The following ZBTB49 variants were observed in gnomAD, a reference collection of about 807,000 sequenced individuals.
The protein encoded by ZBTB49 is zinc finger and BTB domain-containing protein 49.
In ZBTB49, 43 loss-of-function variants were observed where a neutral mutation model predicts 57.5. The observed-to-expected ratio is 0.75, with a 90% CI of 0.59 to 0.97. ZBTB49 has a LOEUF of 0.97. ZBTB49 is among the 50% of genes least tolerant of loss of function. The pLI is 0.00. For synonymous variants in ZBTB49, 369 were observed against 362.1 expected (o/e 1.02, Z -0.22); for missense variants, 938 against 947.7 (o/e 0.99, Z 0.13).
rs753020441 is a variant in ZBTB49 at position 4,298,613 on chromosome 4, T to G, written c.-19-1314T>G. On this transcript the variant is annotated intron_variant, in intron 1 of 7. Transcript: ENST00000337872. ...AGCTAATTTTTGTTTTTATTTTTCA[T>G]AGAGACAGGGTCTCACTGTGTTGCC... 1.1e-4 allele frequency among the ~76,000 whole-genome samples: 16 copies of G among 152,232 alleles called. No homozygotes were observed. The South Asian group carries it at 1.7e-3, about 16-fold the overall frequency.
intron 4 of ZBTB49, among the ~76,000 whole-genome samples, chr4:4,311,560 G>A (rs1577244201): frequency 6.6e-6 from 1 of 152,164 alleles, no homozygotes; most frequent in Non-Finnish European, 1.5e-5. Flanking sequence ...ACAGCAACCA[G>A]TATTAATTTC....
rs1720741348 is a variant in ZBTB49 at position 4,306,485 on chromosome 4, C to T, written c.1302+301C>T. Among the ~76,000 whole-genome samples, 3 of 152,184 alleles carry T rather than the reference C, an allele frequency of 2.0e-5. No homozygotes were observed. The South Asian group carries it at 6.2e-4, about 31-fold the overall frequency. ...GAAGTTCACAGTGAACCACCTTGAG[C>T]TTGGCGTACCTGGAGGCTGCACATT... is the stretch of plus-strand genomic sequence containing the variant. On this transcript the variant is annotated intron_variant, in intron 4 of 7. Coordinates refer to ENST00000337872, the MANE Select transcript of ZBTB49 (RefSeq NM_145291.4).
chr4:4,305,650 CTG>C (rs1427419343), intron 3 of ZBTB49, among the ~76,000 whole-genome samples: 1 of 152,208 alleles, frequency 6.6e-6, no homozygotes, highest in Non-Finnish European at 1.5e-5. Flanking sequence ...GGCAGGAAGA[CTG>C]TGGTGAGGGG....
At position 4,302,653 on chromosome 4, in the gene ZBTB49, C is replaced by A. The variant is rs1405026225; in HGVS notation, c.817C>A (p.Pro273Thr). 6.2e-7 allele frequency: 1 copy of A among 1,610,644 alleles called. No individual in the cohort carries two copies. The highest frequency in any genetic ancestry group is 8.5e-7 in the Non-Finnish European group (1 of 1,178,084). Residue 273 changes from proline (P) to threonine (T), a missense_variant, in exon 3 of 8, where the codon CCT (proline) becomes ACT (threonine). Coordinates refer to ENST00000337872, the MANE Select transcript of ZBTB49 (RefSeq NM_145291.4). ...CATCCTGGAGTCTCCCGAGCACTTA[C>A]CTTCCAACTTCCTGGCCCAGCCTGT... ...ECILESPEHL[P>T]SNFLAQPVND...
rs1247569912 is a variant in ZBTB49, at chr4:4,321,414, A to T, written c.*98A>T. Reference sequence around the variant, plus strand: ...AGTTTCCCCATGACAGTGCCTTCTAACTAGCCAGAGAATAGGTAGCTTCCC... The same window carrying T: ...AGTTTCCCCATGACAGTGCCTTCTATCTAGCCAGAGAATAGGTAGCTTCCC... On this transcript the variant is annotated 3_prime_UTR_variant, in exon 8 of 8. Transcript: ENST00000337872. 1.6e-6 allele frequency: 2 copies of T among 1,251,594 alleles called. No individual in the cohort carries two copies. Among genetic ancestry groups the T allele is most frequent in the Non-Finnish European group, 2.2e-6 (2 of 896,908 alleles). 77.5% of individuals were successfully genotyped at this position (1,251,594 alleles called of 1,614,324 possible).
rs778325715 is a variant in ZBTB49, at chr4:4,302,538, G to C, written c.702G>C (p.Glu234Asp). ...YHKHAAGPSQ[E>D]RVVEQPFAFS... is the part of the protein sequence containing the mutation. ...AACACGCAGCTGGTCCCAGTCAGGAGAGAGTTGTTGAGCAGCCTTTTGCTT... is the reference window on the plus strand; with the variant it reads ...AACACGCAGCTGGTCCCAGTCAGGACAGAGTTGTTGAGCAGCCTTTTGCTT... Residue 234 changes from glutamate (E) to aspartate (D), a missense_variant, in exon 3 of 8, where the codon GAG becomes GAC. Glu to Asp is a conservative substitution (Grantham distance 45). Transcript: ENST00000337872. 7 of 1,613,922 alleles carry C rather than the reference G, an allele frequency of 4.3e-6. No homozygotes were observed. The African/African-American group carries it at 9.3e-5, about 22-fold the overall frequency.
At chr4:4,294,508 C>T (rs1720094167) in intron 1 of ZBTB49, among the ~76,000 whole-genome samples, 1 of 152,150 alleles carries the variant, frequency 6.6e-6, no homozygotes, top group Non-Finnish European at 1.5e-5. Flanking sequence ...AGGCATGCGT[C>T]ACCACGCCTG....
At chr4:4,300,747 C>CTCCA (rs1178524007) in intron 2 of ZBTB49, among the ~76,000 whole-genome samples, 24 of 150,790 alleles carry the variant, frequency 1.6e-4, no homozygotes, top group African/African-American at 5.8e-4. Context: ...TGCCACTGTA[C>CTCCA]TCCAGCCTGA....
chr4:4,290,790 A>G (rs1719859819), intron 1 of ZBTB49, among the ~76,000 whole-genome samples: 1 of 152,208 alleles, frequency 6.6e-6, no homozygotes, highest in African/African-American at 2.4e-5. Context: ...AGCCTAGCTC[A>G]GTTTCATTAC....
chr4:4,309,739 G>A (rs1433441322), intron 4 of ZBTB49, among the ~76,000 whole-genome samples: 1 of 152,196 alleles, frequency 6.6e-6, no homozygotes, highest in East Asian at 1.9e-4. Flanking sequence ...GACAGTGTCA[G>A]CCATCCATGG....
At chr4:4,301,723 TTTA>T (rs1279611959) in intron 2 of ZBTB49, among the ~76,000 whole-genome samples, 4 of 152,134 alleles carry the variant, frequency 2.6e-5, no homozygotes, top group African/African-American at 7.2e-5. Context: ...TATGTAATTT[TTTA>T]TTGTGTAAAT....
At position 4,302,712 on chromosome 4, in the gene ZBTB49, C is replaced by T. The variant is rs1720548973; in HGVS notation, c.876C>T (p.Ala292=). ...CTGCCCCACACCCTGAGTCAGACGC[C>T]ACATGCCAACAACCTGTCAAGCAGA... is the stretch of plus-strand genomic sequence containing the variant. The part of the protein sequence containing the change: ...NDSAPHPESD[A]TCQQPVKQMR... Residue 292 remains alanine, a synonymous_variant, in exon 3 of 8, where the codon GCC becomes GCT. Coordinates refer to ENST00000337872, the MANE Select transcript of ZBTB49 (RefSeq NM_145291.4). 8 of 1,613,334 alleles carry T rather than the reference C, an allele frequency of 5.0e-6. No homozygotes were observed. Among genetic ancestry groups the T allele is most frequent in the Non-Finnish European group, 5.9e-6 (7 of 1,179,754 alleles).
At chr4:4,300,695 C>T (rs1720436557) in intron 2 of ZBTB49, among the ~76,000 whole-genome samples, 1 of 151,790 alleles carries the variant, frequency 6.6e-6, no homozygotes, top group South Asian at 2.1e-4. Context: ...GTGGAAGGAT[C>T]CCTTGAGCAC....
At chr4:4,298,727 G>A (rs1027162071) in intron 1 of ZBTB49, among the ~76,000 whole-genome samples, 8 of 152,168 alleles carry the variant, frequency 5.3e-5, no homozygotes, top group South Asian at 2.1e-4. Context: ...ACCACGCCTA[G>A]TGCAGACTGC....
At chr4:4,319,968 G>T (rs1036950309) in intron 7 of ZBTB49, among the ~76,000 whole-genome samples, 1 of 151,960 alleles carries the variant, frequency 6.6e-6, no homozygotes, top group East Asian at 1.9e-4. Flanking sequence ...GGAGGCTGAG[G>T]CAGGAGAACC....
intron 7 of ZBTB49, among the ~76,000 whole-genome samples, chr4:4,316,383 T>C (rs1721197075): frequency 6.6e-6 from 1 of 152,118 alleles, no homozygotes; most frequent in South Asian, 2.1e-4. Flanking sequence ...AGAGCAGACT[T>C]TATTCTCGTG....
intron 1 of ZBTB49, among the ~76,000 whole-genome samples, chr4:4,294,659 A>G (rs1720103108): frequency 6.6e-6 from 1 of 152,132 alleles, no homozygotes; most frequent in Non-Finnish European, 1.5e-5. Flanking sequence ...CCAGCCTCTA[A>G]TTCCTATAGT....
At chr4:4,294,879 G>A (rs1210957381) in intron 1 of ZBTB49, among the ~76,000 whole-genome samples, 15 of 117,018 alleles carry the variant, frequency 1.3e-4, no homozygotes, top group African/African-American at 4.3e-4. Flanking sequence ...TTTCGTGTGT[G>A]TGTGTGTGTG....
At chr4:4,311,172 T>C (rs1577243915) in intron 4 of ZBTB49, among the ~76,000 whole-genome samples, 1 of 152,238 alleles carries the variant, frequency 6.6e-6, no homozygotes, top group Non-Finnish European at 1.5e-5. Context: ...AAATATTAAA[T>C]GGAAGATCAT....
Sources: allele counts gnomAD v4.1 joint callset (sites outside exome capture counted in the v4.1 genomes callset), GRCh38; gene constraint gnomAD v4.1.1; transcripts MANE v1.5; gene names NCBI Gene and HGNC (gene_info 2026-07-23, HGNC 2026-07-21).